The following RPS6KA2 variants were observed in gnomAD, a reference collection of about 807,000 sequenced individuals.
RPS6KA2 encodes the protein ribosomal protein S6 kinase A2.
Under a neutral mutation model 91.8 loss-of-function variants are expected in RPS6KA2, and 42 were observed. The ratio of observed to expected loss-of-function variants is 0.46; its 90% CI spans 0.36 to 0.59. The LOEUF is 0.59. Among genes scored for constraint, RPS6KA2 ranks in the 20% least tolerant of loss-of-function variants. The probability of loss-of-function intolerance (pLI) is 0.00; values close to 1 mark genes in which losing one functional copy is unlikely to be tolerated. For missense variants in RPS6KA2, 798 were observed against 978.5 expected (o/e 0.82, Z 2.46); for synonymous variants, 414 against 393.6 (o/e 1.05, Z -0.61).
chr6:166,416,536 A>C (rs941483413), intron 19 of RPS6KA2, among the ~76,000 whole-genome samples: 11 of 148,752 alleles, frequency 7.4e-5, no homozygotes, highest in Non-Finnish European at 1.2e-4. Flanking sequence ...TCCCTTCATC[A>C]CCTCCATCAT....
At chr6:166,675,571 TC>T (rs1788598077) in intron 2 of RPS6KA2, among the ~76,000 whole-genome samples, 1 of 151,150 alleles carries the variant, frequency 6.6e-6, no homozygotes, top group African/African-American at 2.4e-5. Context: ...GGTGGTCCCC[TC>T]CACAGCCATG....
In RPS6KA2 at chr6:166,433,911, C is replaced by A. The variant is rs1779214820; in HGVS notation, c.1333-1421G>T. ...CTAGGACTACAGAGGTGTGTGCCAC[C>A]CTACTCAGCTAATTTTTAAATTCTT... On this transcript the variant is annotated intron_variant, in intron 14 of 20. Transcript: ENST00000265678. The surrounding 1 kb of genome is among the most constrained non-coding windows in gnomAD (Gnocchi z 4.4). Among the ~76,000 whole-genome samples, 1 of 152,036 alleles carries A rather than the reference C, an allele frequency of 6.6e-6. No homozygotes were observed. Among genetic ancestry groups the A allele is most frequent in the Non-Finnish European group, 1.5e-5 (1 of 68,010 alleles).
chr6:166,675,666 C>T (rs145087526), intron 2 of RPS6KA2, among the ~76,000 whole-genome samples: 9 of 152,264 alleles, frequency 5.9e-5, no homozygotes, highest in Non-Finnish European at 1.2e-4. Flanking sequence ...AGTAAAGTTT[C>T]CTCTCATTTC....
chr6:166,736,425 C>T (rs935867666), intron 2 of RPS6KA2, among the ~76,000 whole-genome samples: 1 of 152,176 alleles, frequency 6.6e-6, no homozygotes, highest in African/African-American at 2.4e-5. Context: ...ACTTCTGCCA[C>T]CTTGCTATTT....
At chr6:166,489,783 T>A (rs1363506441) in intron 9 of RPS6KA2, among the ~76,000 whole-genome samples, 1 of 152,092 alleles carries the variant, frequency 6.6e-6, no homozygotes, top group Non-Finnish European at 1.5e-5. Context: ...CCTCTCTCCT[T>A]CCATCTACAT....
chr6:166,521,086 C>T (rs1005277956), intron 3 of RPS6KA2, among the ~76,000 whole-genome samples: 6 of 152,262 alleles, frequency 3.9e-5, no homozygotes, highest in African/African-American at 1.4e-4. Context: ...GCCCTGTGAG[C>T]CCCAGCAGTT....
intron 2 of RPS6KA2, among the ~76,000 whole-genome samples, chr6:166,768,322 T>A (rs537793747): frequency 1.3e-4 from 20 of 151,936 alleles, no homozygotes; most frequent in Middle Eastern, 6.8e-3. Context: ...AAATAAAGAG[T>A]GAAATCATGA....
chr6:166,748,251 G>T (rs1035545214), intron 2 of RPS6KA2, among the ~76,000 whole-genome samples: 10 of 152,142 alleles, frequency 6.6e-5, no homozygotes, highest in Non-Finnish European at 1.2e-4. Context: ...GGGCAGCCCG[G>T]GAGGGAGTGC....
rs1024064526 is a variant in RPS6KA2 at position 166,852,758 on chromosome 6, T to C, written c.123+5442A>G. 6.6e-6 allele frequency among the ~76,000 whole-genome samples: 1 copy of C among 152,076 alleles called. No individual in the cohort carries two copies. The highest frequency in any genetic ancestry group is 1.5e-5 in the Non-Finnish European group (1 of 67,994). ...GCGCCCACAGGCCCCTGGATGTCCC[T>C]GTAAGGAGGCTTCCTGCCCAGGCCT... On this transcript the variant is annotated intron_variant, in intron 2 of 21. Coordinates refer to the RPS6KA2 transcript ENST00000503859. This position sits in a 1 kb window ranked among gnomAD's most constrained non-coding sequence, Gnocchi z 4.1.
intron 2 of RPS6KA2, among the ~76,000 whole-genome samples, chr6:166,706,809 TAGAG>T (rs1281042540): frequency 6.6e-6 from 1 of 152,086 alleles, no homozygotes; most frequent in Non-Finnish European, 1.5e-5. Context: ...TCTAAGAATA[TAGAG>T]AGGGTGGGAT....
At chr6:166,780,872 G>A (rs758684215) in intron 2 of RPS6KA2, among the ~76,000 whole-genome samples, 1 of 152,160 alleles carries the variant, frequency 6.6e-6, no homozygotes, top group Admixed American at 6.5e-5. Context: ...AAAATATCTT[G>A]TAACACCCCA....
intron 2 of RPS6KA2, among the ~76,000 whole-genome samples, chr6:166,672,507 G>A (rs753304809): frequency 6.6e-6 from 1 of 152,204 alleles, no homozygotes; most frequent in Admixed American, 6.5e-5. Context: ...TGCCATGGAG[G>A]CAGAGTACCC....
rs1786899273 is a variant in RPS6KA2, at chr6:166,626,865, C to A, written c.99+56G>T. On this transcript the variant is annotated intron_variant, in intron 1 of 20. Coordinates refer to ENST00000265678, the MANE Select transcript of RPS6KA2 (RefSeq NM_021135.6). The surrounding 1 kb of genome is among the most constrained non-coding windows in gnomAD (Gnocchi z 4.1). ...CCAGGGGTGGCGAGGCGGGCTCGGG[C>A]GACCACGGCCCGCTCAGTGCCCGGC... 1 of 1,342,260 alleles carries A rather than the reference C, an allele frequency of 7.5e-7. No homozygotes were observed. The highest frequency in any genetic ancestry group is 9.7e-7 in the Non-Finnish European group (1 of 1,032,196). 83.1% of individuals were successfully genotyped at this position (1,342,260 alleles called of 1,614,324 possible). A position where few individuals can be genotyped will look rare whatever the true frequency, so the allele number is the denominator to read the frequency against.
At chr6:166,760,243 A>C (rs1778131336) in intron 2 of RPS6KA2, among the ~76,000 whole-genome samples, 1 of 152,256 alleles carries the variant, frequency 6.6e-6, no homozygotes. Context: ...AGGTGGGCTC[A>C]TTCTGGTGAA....
chr6:166,754,482 C>T (rs972128094), intron 2 of RPS6KA2, among the ~76,000 whole-genome samples: 1 of 152,214 alleles, frequency 6.6e-6, no homozygotes, highest in East Asian at 1.9e-4. Flanking sequence ...GGGCAGTTCC[C>T]GTGGGCCCTG....
intron 15 of RPS6KA2, among the ~76,000 whole-genome samples, chr6:166,431,993 T>C (rs938364471): frequency 6.6e-6 from 1 of 152,156 alleles, no homozygotes; most frequent in Non-Finnish European, 1.5e-5. Flanking sequence ...TCACTATGCA[T>C]GAGGGAAACT....
chr6:166,681,142 A>T (rs1583014592), intron 2 of RPS6KA2, among the ~76,000 whole-genome samples: 1 of 152,356 alleles, frequency 6.6e-6, no homozygotes, highest in Non-Finnish European at 1.5e-5. Context: ...GCACAGATCT[A>T]GCCACAACGT....
chr6:166,862,152 G>C (rs1781060602), exon 1 of RPS6KA2: 7 of 1,614,222 alleles, frequency 4.3e-6, no homozygotes, highest in Non-Finnish European at 5.9e-6. Context: ...CATAGTTCCA[G>C]CAACTGTGCG....
chr6:166,468,899 G>T (rs1328130344), intron 11 of RPS6KA2, among the ~76,000 whole-genome samples: 1 of 150,304 alleles, frequency 6.7e-6, no homozygotes, highest in African/African-American at 2.4e-5. Context: ...AGCGAAAGCA[G>T]ATAATAAACT....
Sources: gnomAD v4.1 joint callset for allele counts (sites outside exome capture counted in the v4.1 genomes callset) on GRCh38, gnomAD v4.1.1 for gene constraint, Gnocchi (gnomAD v3.1) non-coding constraint, MANE v1.5 for transcripts, NCBI Gene and HGNC (gene_info 2026-07-23, HGNC 2026-07-21) for gene names.